Variants in GLB1 observed in about 807,000 individuals in gnomAD.
The protein encoded by GLB1 is galactosidase beta 1, also known as beta-galactosidase.
In GLB1, 56 loss-of-function variants were observed where a neutral mutation model predicts 74.0. The observed-to-expected ratio is 0.76, with a 90% CI of 0.61 to 0.94. The LOEUF (loss-of-function observed/expected upper bound fraction) is 0.94. Among genes scored for constraint, GLB1 ranks in the 40% least tolerant of loss-of-function variants. GLB1 has a pLI of 0.00. For missense variants in GLB1, 787 were observed against 845.5 expected, an observed-to-expected ratio of 0.93 and a Z score of 0.86; for synonymous variants, 323 against 323.6, an observed-to-expected ratio of 1.00 and a Z score of 0.02.
At chr3:32,999,874 C>T (rs1230619362) in intron 15 of GLB1, among the ~76,000 whole-genome samples, 1 of 152,146 alleles carries the variant, frequency 6.6e-6, no homozygotes, top group African/African-American at 2.4e-5. Context: ...TGGTCTCCAA[C>T]TCCTGGCCTC....
chr3:33,066,003 A>G (rs1699664700), intron 4 of GLB1, among the ~76,000 whole-genome samples: 2 of 151,934 alleles, frequency 1.3e-5, no homozygotes, highest in South Asian at 4.2e-4. Flanking sequence ...GATTTAGTAC[A>G]AAGAGACACC....
Position 33,046,248 on chromosome 3 carries a change from G to A in GLB1, c.956-16C>T. ...GAGTTGGCCCCTAGAAGACAAAAAT[G>A]TGCCACTAGTTATTACTGATGGTGC... On this transcript the variant is annotated splice_polypyrimidine_tract_variant and intron_variant, in intron 9 of 15. Coordinates refer to ENST00000307363, the MANE Select transcript of GLB1 (RefSeq NM_000404.4). 1.9e-6 allele frequency: 3 copies of A among 1,613,780 alleles called. No individual in the cohort carries two copies. The highest frequency in any genetic ancestry group is 2.5e-6 in the Non-Finnish European group (3 of 1,179,840).
At chr3:32,968,513 T>G in the GLB1 span, among the ~76,000 whole-genome samples, 1 of 152,182 alleles carries the variant, frequency 6.6e-6, no homozygotes, top group African/African-American at 2.4e-5. Flanking sequence ...AGAGAAAAGA[T>G]GGCTTAGTAG....
chr3:32,993,606 C>T (rs1445559439), downstream of GLB1, among the ~76,000 whole-genome samples: 1 of 140,210 alleles, frequency 7.1e-6, no homozygotes, highest in Non-Finnish European at 1.5e-5. Context: ...GCAATCTCGG[C>T]TCACTGCAGC....
intron 12 of GLB1, among the ~76,000 whole-genome samples, chr3:33,019,546 G>C (rs906342223): frequency 2.6e-5 from 4 of 152,122 alleles, no homozygotes; most frequent in Non-Finnish European, 5.9e-5. Context: ...AGGTGACTGG[G>C]AGGAGCTGAG....
the GLB1 span, among the ~76,000 whole-genome samples, chr3:32,970,306 G>A: frequency 1.7e-4 from 26 of 152,224 alleles, no homozygotes; most frequent in Admixed American, 3.3e-4. Flanking sequence ...CTTGCCCATG[G>A]TCCTCCTCCG....
At chr3:32,981,140 T>TCACTACTG in the GLB1 span, among the ~76,000 whole-genome samples, 2 of 129,340 alleles carry the variant, frequency 1.5e-5, no homozygotes, top group East Asian at 4.9e-4. Flanking sequence ...GCGTGGTGGC[T>TCACTACTG]CACTACTGTA....
intron 1 of GLB1, chr3:33,092,146 C>T: frequency 1.0e-6 from 1 of 985,506 alleles, no homozygotes; most frequent in Non-Finnish European, 1.2e-6. Flanking sequence ...GACCATGGCG[C>T]CCACCGTTCT....
At chr3:32,964,425 G>C in the GLB1 span, among the ~76,000 whole-genome samples, 1 of 152,184 alleles carries the variant, frequency 6.6e-6, no homozygotes, top group Non-Finnish European at 1.5e-5. Flanking sequence ...AAATACAAGA[G>C]TTATTTCTAA....
At chr3:32,987,481 A>G in the GLB1 span, among the ~76,000 whole-genome samples, 1 of 152,280 alleles carries the variant, frequency 6.6e-6, no homozygotes, top group East Asian at 1.9e-4. Context: ...GTGCACACAA[A>G]GCCCTGTCTT....
chr3:33,036,398 T>C (rs1698278174), intron 10 of GLB1, among the ~76,000 whole-genome samples: 1 of 152,208 alleles, frequency 6.6e-6, no homozygotes, highest in African/African-American at 2.4e-5. Context: ...TTTTATGCAA[T>C]AAAGCTTATG....
chr3:33,021,095 GA>G (rs10596366), intron 12 of GLB1, among the ~76,000 whole-genome samples: 35,061 of 124,952 alleles, frequency 0.28, 5,072 homozygotes, highest in East Asian at 0.47. Flanking sequence ...TACAAACACT[GA>G]AAAAAAAAAA....
At chr3:33,094,219 C>T (rs1461534882) in intron 1 of GLB1, 4 of 1,570,796 alleles carry the variant, frequency 2.5e-6, no homozygotes, top group Non-Finnish European at 3.5e-6. Context: ...AGTAGGCTCC[C>T]CCACCAGTTC....
In GLB1 at chr3:33,053,697, C is replaced by T. The variant is rs571933828; in HGVS notation, c.734-148G>A. 864 of 1,069,482 alleles carry T rather than the reference C, an allele frequency of 8.1e-4. 3 individuals are homozygous for T. Among genetic ancestry groups the T allele is most frequent in the South Asian group, 1.3e-3 (93 of 73,694 alleles). The allele number at this position is 1,069,482 out of a possible 1,614,324, so 66.2% of individuals were successfully genotyped here. A position where few individuals can be genotyped will look rare whatever the true frequency, so the allele number is the denominator to read the frequency against. On this transcript the variant is annotated intron_variant, in intron 6 of 15. Transcript: ENST00000307363. Reference sequence around the variant, plus strand: ...AAAATTCTCATGTTGGAACTTAACACCCAAGATGATAGTATTAACAGGTGA... The same window carrying T: ...AAAATTCTCATGTTGGAACTTAACATCCAAGATGATAGTATTAACAGGTGA...
At chr3:32,961,692 A>G in the GLB1 span, among the ~76,000 whole-genome samples, 3 of 152,344 alleles carry the variant, frequency 2.0e-5, no homozygotes, top group East Asian at 3.9e-4. Flanking sequence ...GACACCATTG[A>G]CTGTAATCTG....
intron 9 of GLB1, among the ~76,000 whole-genome samples, chr3:33,051,506 G>A (rs1698980977): frequency 6.7e-6 from 1 of 150,262 alleles, no homozygotes; most frequent in Admixed American, 6.6e-5. Context: ...CTTGGAGGCT[G>A]AGGCAGGAGG....
intron 10 of GLB1, chr3:33,037,948 T>A (rs1439270359): frequency 7.0e-6 from 1 of 142,298 alleles, no homozygotes. Flanking sequence ...AACACTCAAG[T>A]TTTGTTCTGT....
chr3:33,069,314 G>A (rs567218552), intron 2 of GLB1, among the ~76,000 whole-genome samples: 1 of 152,276 alleles, frequency 6.6e-6, no homozygotes, highest in African/African-American at 2.4e-5. Flanking sequence ...AAGCTAGGGA[G>A]GTTGAAGCTG....
the GLB1 span, among the ~76,000 whole-genome samples, chr3:32,961,843 A>G: frequency 1.3e-5 from 2 of 152,244 alleles, no homozygotes; most frequent in East Asian, 3.8e-4. Context: ...AACGCCTGTG[A>G]TCACCACTTC....
Sources: gnomAD v4.1 joint callset for allele counts (sites outside exome capture counted in the v4.1 genomes callset) on GRCh38, gnomAD v4.1.1 for gene constraint, MANE v1.5 for transcripts, NCBI Gene and HGNC (gene_info 2026-07-23, HGNC 2026-07-21) for gene names.